SLC41A2: variants seen among roughly 807,000 people sequenced by gnomAD.
SLC41A2 encodes SLC41A1-like 1.
Under a neutral mutation model 58.3 loss-of-function variants are expected in SLC41A2, and 32 were observed. That is an observed-to-expected ratio of 0.55 (90% CI 0.41 to 0.74). SLC41A2 has a LOEUF of 0.74. SLC41A2 is among the 30% of genes least tolerant of loss of function. SLC41A2 has a pLI of 0.00. For missense variants in SLC41A2, 514 were observed against 680.6 expected, an observed-to-expected ratio of 0.76 and a Z score of 2.72; for synonymous variants, 190 against 235.0, an observed-to-expected ratio of 0.81 and a Z score of 1.75.
intron 4 of SLC41A2, among the ~76,000 whole-genome samples, chr12:104,894,170 A>G (rs60976244): frequency 0.03 from 4,641 of 152,170 alleles, 134 homozygotes; most frequent in East Asian, 0.15. Flanking sequence ...CCTGGACTAC[A>G]TGGCGAAACC....
chr12:104,807,146 A>T (rs1322372477), intron 10 of SLC41A2, among the ~76,000 whole-genome samples: 1 of 152,098 alleles, frequency 6.6e-6, no homozygotes, highest in Admixed American at 6.6e-5. Flanking sequence ...TGCCCATGCC[A>T]ATGTCCTGAA....
rs1163026788 is a variant in SLC41A2 at position 104,805,284 on chromosome 12, T to G, written c.1590A>C (p.Lys530Asn). 2 of 1,613,906 alleles carry G rather than the reference T, an allele frequency of 1.2e-6. No individual in the cohort carries two copies. Among genetic ancestry groups the G allele is most frequent in the African/African-American group, 1.3e-5 (1 of 75,030 alleles). The change falls in exon 11 of 11, where the codon AAA (lysine) becomes AAC (asparagine). Residue 530 changes from lysine (K) to asparagine (N), a missense_variant. Transcript: ENST00000258538. Reference sequence around the variant, plus strand: ...TGGAGAAACTATCCGGGTCCTTTCCTTTCCTCCAGAAGTGATGGACCATCC... The same window carrying G: ...TGGAGAAACTATCCGGGTCCTTTCCGTTCCTCCAGAAGTGATGGACCATCC... ...ADWMVHHFWR[K>N]GKDPDSFSIP...
In SLC41A2 at chr12:104,854,531, C is replaced by G. The variant is rs549250180; in HGVS notation, c.1255+6760G>C. On this transcript the variant is annotated intron_variant, in intron 8 of 10. Coordinates refer to ENST00000258538, the MANE Select transcript of SLC41A2 (RefSeq NM_001352171.3). ...TGAGCCGAGATCGCGCCACTGCAGT[C>G]CAGCCTGGGCGAAAGAGCCAGACTC... is the stretch of plus-strand genomic sequence containing the variant. Among the ~76,000 whole-genome samples, 37 of 150,828 alleles carry G rather than the reference C, an allele frequency of 2.5e-4. No homozygotes were observed. In the South Asian group the frequency reaches 6.9e-3, roughly 28 times the overall value.
At chr12:104,918,991 A>G (rs1266161301) in intron 2 of SLC41A2, among the ~76,000 whole-genome samples, 1 of 152,142 alleles carries the variant, frequency 6.6e-6, no homozygotes, top group African/African-American at 2.4e-5. Context: ...TCTCTTTTAG[A>G]GCCATTTCTC....
intron 6 of SLC41A2, among the ~76,000 whole-genome samples, chr12:104,874,098 G>T (rs1295086081): frequency 7.3e-6 from 1 of 137,650 alleles, no homozygotes; most frequent in African/African-American, 2.8e-5. Context: ...TTTTGAGACA[G>T]AGTCTTGCTC....
chr12:104,802,370 T>C lies in SLC41A2; in HGVS notation c.*2782A>G, dbSNP rs908833173. ...TATTGTTGTGGGTAAATGAGTCATTTTATCTGTTGCATACTTACGTGAAGG... is the reference window on the plus strand; with the variant it reads ...TATTGTTGTGGGTAAATGAGTCATTCTATCTGTTGCATACTTACGTGAAGG... On this transcript the variant is annotated 3_prime_UTR_variant, in exon 11 of 11. Transcript: ENST00000258538. Among the ~76,000 whole-genome samples, 5 of 152,196 alleles carry C rather than the reference T, an allele frequency of 3.3e-5. No homozygotes were observed. Among genetic ancestry groups the C allele is most frequent in the African/African-American group, 7.2e-5 (3 of 41,460 alleles).
At chr12:104,810,332 A>C (rs2041117162) in intron 10 of SLC41A2, among the ~76,000 whole-genome samples, 2 of 152,198 alleles carry the variant, frequency 1.3e-5, no homozygotes, top group African/African-American at 4.8e-5. Flanking sequence ...AGGAAACAAT[A>C]GCTTTTAAAA....
chr12:104,932,808 G>A (rs760809493), intron 1 of SLC41A2, among the ~76,000 whole-genome samples: 5 of 151,814 alleles, frequency 3.3e-5, no homozygotes, highest in South Asian at 2.1e-4. Context: ...AATAAACAGC[G>A]CTGAGAAAAT....
chr12:104,808,232 A>G (rs1475194857), intron 10 of SLC41A2, among the ~76,000 whole-genome samples: 1 of 152,150 alleles, frequency 6.6e-6, no homozygotes, highest in African/African-American at 2.4e-5. Context: ...TTATTTTGAG[A>G]TATGTCCCAT....
At chr12:104,919,961 G>A (rs1395784819) in intron 2 of SLC41A2, among the ~76,000 whole-genome samples, 2 of 152,114 alleles carry the variant, frequency 1.3e-5, no homozygotes, top group African/African-American at 4.8e-5. Context: ...TCATATTTAA[G>A]TGTGTGGTCC....
intron 10 of SLC41A2, among the ~76,000 whole-genome samples, chr12:104,824,822 C>G (rs974581632): frequency 9.2e-5 from 14 of 152,110 alleles, no homozygotes; most frequent in Non-Finnish European, 1.9e-4. Flanking sequence ...CATCACGTGC[C>G]CTGAGAGGAG....
chr12:104,913,645 T>A (rs1348057423), intron 2 of SLC41A2, among the ~76,000 whole-genome samples: 1 of 152,208 alleles, frequency 6.6e-6, no homozygotes, highest in African/African-American at 2.4e-5. Context: ...CTTTTTCCCC[T>A]CCTTTGAAGT....
intron 10 of SLC41A2, among the ~76,000 whole-genome samples, chr12:104,820,749 C>T (rs2041599748): frequency 6.6e-6 from 1 of 152,058 alleles, no homozygotes; most frequent in African/African-American, 2.4e-5. Context: ...TCAAGTGATT[C>T]TCCTGCCTCA....
At chr12:104,935,321 A>G (rs897619664) in intron 1 of SLC41A2, among the ~76,000 whole-genome samples, 1 of 151,436 alleles carries the variant, frequency 6.6e-6, no homozygotes, top group Non-Finnish European at 1.5e-5. Flanking sequence ...AATGTATTCT[A>G]TGTTTCAAAA....
rs372268389 is a variant in SLC41A2 at position 104,872,107 on chromosome 12, G to GA, written c.1028-5529dup. 4.9e-3 allele frequency among the ~76,000 whole-genome samples: 706 copies of GA among 144,718 alleles called. 3 individuals carry two copies. Among genetic ancestry groups the GA allele is most frequent in the Middle Eastern group, 0.021 (6 of 284 alleles). 94.9% of individuals were successfully genotyped at this position (144,718 alleles called of 152,430 possible). A position where few individuals can be genotyped will look rare whatever the true frequency, so the allele number is the denominator to read the frequency against. On this transcript the variant is annotated intron_variant, in intron 6 of 10. Coordinates refer to ENST00000258538, the MANE Select transcript of SLC41A2 (RefSeq NM_001352171.3). The stretch of plus-strand genomic sequence containing the variant: ...TGAATTGAGGGAGGGGAATAAGAAG[G>GA]AAAAAAAAAACAGATGGTATATGAG...
intron 10 of SLC41A2, among the ~76,000 whole-genome samples, chr12:104,838,299 G>A (rs2042281037): frequency 6.6e-6 from 1 of 152,144 alleles, no homozygotes; most frequent in South Asian, 2.1e-4. Flanking sequence ...ACAACCAGGA[G>A]CTCTGGTTAT....
intron 2 of SLC41A2, among the ~76,000 whole-genome samples, chr12:104,927,284 T>C (rs994114418): frequency 2.0e-5 from 3 of 152,122 alleles, no homozygotes; most frequent in Non-Finnish European, 2.9e-5. Context: ...TATATTCTTA[T>C]AAGGATAGTT....
chr12:104,956,410 G>C (rs1035026250), intron 1 of SLC41A2, among the ~76,000 whole-genome samples: 3 of 152,184 alleles, frequency 2.0e-5, no homozygotes, highest in Admixed American at 6.5e-5. Context: ...TGGCCGTGGT[G>C]GCTTATGCCT....
rs550319554 is a variant in SLC41A2 at position 104,886,278 on chromosome 12, T to A, written c.1027+15A>T. On this transcript the variant is annotated intron_variant, in intron 6 of 10. Transcript: ENST00000258538. ...CTTGAGACAACACACAATATTTAGT[T>A]TTAAATCAACTTACCAAGACAGGAG... The A allele has an allele frequency of 1.6e-5, 25 of 1,610,688 alleles. No individual in the cohort carries two copies. In the South Asian group the frequency reaches 2.8e-4, roughly 18 times the overall value.
Sources: gnomAD v4.1 joint callset for allele counts (sites outside exome capture counted in the v4.1 genomes callset) on GRCh38, gnomAD v4.1.1 for gene constraint, MANE v1.5 for transcripts, NCBI Gene and HGNC (gene_info 2026-07-23, HGNC 2026-07-21) for gene names.